STARD13: variants seen among roughly 807,000 people sequenced by gnomAD.
STARD13 encodes the protein stAR-related lipid transfer protein 13.
In STARD13, 62 loss-of-function variants were observed where a neutral mutation model predicts 106.4. That is an observed-to-expected ratio of 0.58 (90% CI 0.48 to 0.72). The LOEUF (loss-of-function observed/expected upper bound fraction) is 0.72, where lower values mean the gene tolerates loss of function less well. Ranked by LOEUF, STARD13 falls within the 30% of genes least tolerant of loss-of-function variation. STARD13 has a pLI of 0.00. For missense variants in STARD13, 1,387 were observed against 1,424.0 expected (o/e 0.97, Z 0.42); for synonymous variants, 565 against 553.0 (o/e 1.02, Z -0.31).
At chr13:33,500,849 T>A in the STARD13 span, among the ~76,000 whole-genome samples, 1 of 152,080 alleles carries the variant, frequency 6.6e-6, no homozygotes, top group Admixed American at 6.6e-5. Flanking sequence ...CCTCATGATA[T>A]GGGGACATTG....
At chr13:33,648,783 CTTTTT>C in the STARD13 span, among the ~76,000 whole-genome samples, 16 of 76,988 alleles carry the variant, frequency 2.1e-4, no homozygotes, top group African/African-American at 8.9e-4. Flanking sequence ...TTTTCTCTTT[CTTTTT>C]TTTTTTTTTT....
chr13:33,414,047 A>AAAAAAGAAAG, the STARD13 span, among the ~76,000 whole-genome samples: 2 of 143,678 alleles, frequency 1.4e-5, no homozygotes, highest in African/African-American at 5.6e-5. Flanking sequence ...AAAAAAAAAA[A>AAAAAAGAAAG]AAAGAAAAGA....
chr13:33,123,514 T>G (rs1025083032), intron 7 of STARD13, among the ~76,000 whole-genome samples: 2 of 152,218 alleles, frequency 1.3e-5, no homozygotes, highest in Non-Finnish European at 2.9e-5. Flanking sequence ...GACTTCATAT[T>G]CATCAGGAAT....
chr13:33,369,256 A>T, the STARD13 span, among the ~76,000 whole-genome samples: 26 of 151,964 alleles, frequency 1.7e-4, no homozygotes, highest in East Asian at 4.3e-3. Flanking sequence ...GACATTTGGC[A>T]GGTGCCTCTG....
At chr13:33,398,706 T>C in the STARD13 span, among the ~76,000 whole-genome samples, 1 of 152,170 alleles carries the variant, frequency 6.6e-6, no homozygotes, top group East Asian at 1.9e-4. Context: ...TTCCCAATAT[T>C]ATCAGTATCA....
the STARD13 span, among the ~76,000 whole-genome samples, chr13:33,603,473 C>T: frequency 2.1e-3 from 325 of 152,194 alleles, 1 homozygote; most frequent in African/African-American, 7.4e-3. Context: ...ACACACACAA[C>T]AAAAGGGTAA....
intron 4 of STARD13, among the ~76,000 whole-genome samples, chr13:33,133,064 C>CA (rs879796280): frequency 3.7e-4 from 55 of 148,812 alleles, no homozygotes; most frequent in South Asian, 6.4e-4. Context: ...TTTGAGAAGA[C>CA]AAAAAAAAAG....
chr13:33,369,159 T>G, the STARD13 span, among the ~76,000 whole-genome samples: 2,054 of 152,166 alleles, frequency 0.013, 20 homozygotes, highest in Middle Eastern at 0.048. Context: ...TGGGGTAACA[T>G]CTTTACTTCT....
At position 33,129,115 on chromosome 13, in the gene STARD13, G is replaced by A. The variant is rs766596671; in HGVS notation, c.1562C>T (p.Pro521Leu). The A allele has an allele frequency of 4.3e-6, 7 of 1,614,214 alleles. No homozygotes were observed. Among genetic ancestry groups the A allele is most frequent in the Non-Finnish European group, 5.9e-6 (7 of 1,180,038 alleles). The change falls in exon 5 of 14, where the codon CCT becomes CTT. Residue 521 changes from proline to leucine, a missense_variant. By Grantham distance (98) the Pro-to-Leu change is moderately conservative (BLOSUM62 -3). Coordinates refer to ENST00000336934, the MANE Select transcript of STARD13 (RefSeq NM_178006.4). ...AGGAGATGGAAAGGTGGATAAGCCA[G>A]GTTCCCCAACCAATGTATCATGAGT... ...LQTHDTLVGEPGLSTFPSPNQ... is the reference protein window; with the variant it reads ...LQTHDTLVGELGLSTFPSPNQ...
chr13:33,349,101 G>T lies in STARD13; in HGVS notation c.*48C>A, dbSNP rs1350875517. 8 of 702,082 alleles carry T rather than the reference G, an allele frequency of 1.1e-5. No individual in the cohort carries two copies. The African/African-American group carries it at 1.4e-4, about 12-fold the overall frequency. The allele number at this position is 702,082 out of a possible 1,614,324, so 43.5% of individuals were successfully genotyped here. A position where few individuals can be genotyped will look rare whatever the true frequency, so the allele number is the denominator to read the frequency against. On this transcript the variant is annotated 3_prime_UTR_variant, in exon 2 of 2. Coordinates refer to the STARD13 transcript ENST00000439831. ...GAAAAAAGGGAGGAGTTCAAAGAAGGTTAAATCTCCCGCTTCACCAGTGGT... is the reference window on the plus strand; with the variant it reads ...GAAAAAAGGGAGGAGTTCAAAGAAGTTTAAATCTCCCGCTTCACCAGTGGT...
chr13:33,249,947 G>A (rs1212003188), intron 1 of STARD13, among the ~76,000 whole-genome samples: 2 of 151,964 alleles, frequency 1.3e-5, no homozygotes, highest in Non-Finnish European at 2.9e-5. Flanking sequence ...TTGCCACCAT[G>A]CTTGCCTAAT....
chr13:33,188,711 A>G (rs1885988085), intron 1 of STARD13, among the ~76,000 whole-genome samples: 1 of 152,246 alleles, frequency 6.6e-6, no homozygotes, highest in Non-Finnish European at 1.5e-5. Context: ...TCACTTCTAG[A>G]AAATGAAATG....
chr13:33,648,783 CTTTTTTTTTT>C, the STARD13 span, among the ~76,000 whole-genome samples: 2 of 77,012 alleles, frequency 2.6e-5, no homozygotes, highest in African/African-American at 1.2e-4. Context: ...TTTTCTCTTT[CTTTTTTTTTT>C]TTTTTTTTTT....
chr13:33,388,031 G>A, the STARD13 span, among the ~76,000 whole-genome samples: 3 of 152,326 alleles, frequency 2.0e-5, no homozygotes, highest in South Asian at 6.2e-4. Context: ...GCTGGGAAGG[G>A]GAAAAGGACA....
chr13:33,523,920 A>G, the STARD13 span, among the ~76,000 whole-genome samples: 1 of 152,148 alleles, frequency 6.6e-6, no homozygotes, highest in Non-Finnish European at 1.5e-5. Context: ...CATTTGCAGC[A>G]TAAGTTTTTA....
At chr13:33,365,388 C>G in the STARD13 span, among the ~76,000 whole-genome samples, 2 of 152,212 alleles carry the variant, frequency 1.3e-5, no homozygotes, top group South Asian at 4.1e-4. Context: ...TCATGTGCAT[C>G]AACAGTACAC....
the STARD13 span, among the ~76,000 whole-genome samples, chr13:33,527,840 C>T: frequency 6.6e-6 from 1 of 151,376 alleles, no homozygotes; most frequent in African/African-American, 2.4e-5. Context: ...AAACTAAGAC[C>T]ATCATGTTTA....
intron 1 of STARD13, chr13:33,273,940 T>G (rs1002410684): frequency 6.6e-6 from 1 of 152,186 alleles, no homozygotes; most frequent in African/African-American, 2.4e-5. Flanking sequence ...TTTCAGCTTG[T>G]GATGAATGTT....
At chr13:33,461,698 TA>T in the STARD13 span, among the ~76,000 whole-genome samples, 1 of 152,212 alleles carries the variant, frequency 6.6e-6, no homozygotes, top group Non-Finnish European at 1.5e-5. Flanking sequence ...AGTGATTTTT[TA>T]CAGGGGATTA....
Sources: allele counts gnomAD v4.1 joint callset (sites outside exome capture counted in the v4.1 genomes callset), GRCh38; gene constraint gnomAD v4.1.1; transcripts MANE v1.5; gene names NCBI Gene and HGNC (gene_info 2026-07-23, HGNC 2026-07-21).